The following EPC2 variants were observed in gnomAD, a reference collection of about 807,000 sequenced individuals.
EPC2 encodes the protein enhancer of polycomb 2.
In EPC2, 14 loss-of-function variants were observed where a neutral mutation model predicts 92.1. The ratio of observed to expected loss-of-function variants is 0.15; its 90% CI spans 0.10 to 0.24. The LOEUF (loss-of-function observed/expected upper bound fraction) is 0.24, where lower values mean the gene tolerates loss of function less well. Among genes scored for constraint, EPC2 ranks in the 10% least tolerant of loss-of-function variants. The probability of loss-of-function intolerance (pLI) is 1.00; values close to 1 mark genes in which losing one functional copy is unlikely to be tolerated. For synonymous variants in EPC2, 340 were observed against 334.7 expected, an observed-to-expected ratio of 1.02 and a Z score of -0.17; for missense variants, 755 against 971.5, an observed-to-expected ratio of 0.78 and a Z score of 2.96.
At chr2:148,715,049 T>C (rs1056889912) in intron 2 of EPC2, among the ~76,000 whole-genome samples, 3 of 143,750 alleles carry the variant, frequency 2.1e-5, no homozygotes, top group African/African-American at 5.1e-5. Context: ...TTTTTTTTTT[T>C]TGGAGACAGA....
At chr2:148,659,003 G>A (rs891565376) in intron 1 of EPC2, among the ~76,000 whole-genome samples, 1 of 151,976 alleles carries the variant, frequency 6.6e-6, no homozygotes, top group African/African-American at 2.4e-5. Context: ...GGACTGTGGA[G>A]GCAGTGCATG....
chr2:148,684,007 C>T (rs997478170), intron 1 of EPC2, among the ~76,000 whole-genome samples: 1 of 152,196 alleles, frequency 6.6e-6, no homozygotes, highest in African/African-American at 2.4e-5. Flanking sequence ...CTTTTTACCA[C>T]ATCCACACCA....
chr2:148,659,917 G>A (rs369488250), intron 1 of EPC2, among the ~76,000 whole-genome samples: 245 of 152,104 alleles, frequency 1.6e-3, no homozygotes, highest in Non-Finnish European at 2.6e-3. Context: ...CATATCTTGA[G>A]GTAGTTAATT....
chr2:148,725,870 T>C (rs1375954848), intron 2 of EPC2, among the ~76,000 whole-genome samples: 4 of 152,158 alleles, frequency 2.6e-5, no homozygotes, highest in African/African-American at 4.8e-5. Flanking sequence ...ACATTACAGG[T>C]ATATAGTTTA....
chr2:148,665,623 A>G (rs1248701183), intron 1 of EPC2, among the ~76,000 whole-genome samples: 3 of 152,294 alleles, frequency 2.0e-5, no homozygotes, highest in Admixed American at 6.5e-5. Flanking sequence ...TTATAATTCA[A>G]ATATTCTAGA....
At position 148,682,254 on chromosome 2, in the gene EPC2, G is replaced by A. The variant is rs963454289; in HGVS notation, c.154-7960G>A. 3.5e-4 allele frequency among the ~76,000 whole-genome samples: 53 copies of A among 152,164 alleles called. 1 individual carries two copies. Among genetic ancestry groups the A allele is most frequent in the Admixed American group, 1.4e-3 (22 of 15,284 alleles). ...ATATACCCAGTAATGGGATTGCTGG[G>A]TCGAATGGTATTTCTAGTTCTAGAT... is the stretch of plus-strand genomic sequence containing the variant. On this transcript the variant is annotated intron_variant, in intron 1 of 13. Coordinates refer to ENST00000258484, the MANE Select transcript of EPC2 (RefSeq NM_015630.4).
chr2:148,649,653 T>C (rs999869128), intron 1 of EPC2, among the ~76,000 whole-genome samples: 38 of 152,196 alleles, frequency 2.5e-4, no homozygotes, highest in African/African-American at 9.2e-4. Flanking sequence ...TTCTGTTTTA[T>C]AGAGGAAAAG....
intron 3 of EPC2, among the ~76,000 whole-genome samples, chr2:148,744,998 C>G (rs921010432): frequency 7.9e-6 from 1 of 127,214 alleles, no homozygotes; most frequent in East Asian, 2.2e-4. Flanking sequence ...TGCCCCCCCC[C>G]CCCGCACCAT....
chr2:148,767,881 C>T (rs946240262), intron 7 of EPC2, among the ~76,000 whole-genome samples: 41 of 152,272 alleles, frequency 2.7e-4, no homozygotes, highest in African/African-American at 8.7e-4. Context: ...CTGTGTATAT[C>T]TTAGAATAGG....
chr2:148,728,767 T>A (rs1221154061), intron 2 of EPC2, among the ~76,000 whole-genome samples: 1 of 150,860 alleles, frequency 6.6e-6, no homozygotes, highest in Admixed American at 6.6e-5. Context: ...GCACGGTAGC[T>A]CACGCCTGTA....
rs764961916 is a variant in EPC2 at position 148,753,978 on chromosome 2, A to G, written c.511A>G (p.Ile171Val). 2.5e-6 allele frequency: 4 copies of G among 1,612,210 alleles called. No individual in the cohort carries two copies. The highest frequency in any genetic ancestry group is 2.7e-5 in the African/African-American group (2 of 74,926). Residue 171 changes from isoleucine (I) to valine (V), a missense_variant, in exon 4 of 14, where the codon ATT (isoleucine) becomes GTT (valine). Ile to Val is a conservative substitution (Grantham distance 29). Around this residue, in one of 4 missense-constraint regions of EPC2, gnomAD observed 509 missense variants for 607.7 expected, o/e 0.84. Coordinates refer to ENST00000258484, the MANE Select transcript of EPC2 (RefSeq NM_015630.4). Reference sequence around the variant, plus strand: ...GCTGCTAAACGAAGATGATTACCTTATTAAAGCTGTATATGACTACTGGGT... The same window carrying G: ...GCTGCTAAACGAAGATGATTACCTTGTTAAAGCTGTATATGACTACTGGGT... ...KLLLNEDDYL[I>V]KAVYDYWVRK...
intron 2 of EPC2, among the ~76,000 whole-genome samples, chr2:148,711,069 A>G (rs765800122): frequency 7.3e-5 from 11 of 151,266 alleles, no homozygotes; most frequent in African/African-American, 1.5e-4. Flanking sequence ...GTTTTTTTCT[A>G]TTGATTTCCT....
In EPC2 at chr2:148,739,790, C is replaced by T. The variant is rs147362900; in HGVS notation, c.314-3832C>T. On this transcript the variant is annotated intron_variant, in intron 2 of 13. Coordinates refer to ENST00000258484, the MANE Select transcript of EPC2 (RefSeq NM_015630.4). ...TAGTAGTCATGCACCCTCTTAAATT[C>T]GCTTATTTTTCTTTTCTTTCTTCCT... 1.5e-4 allele frequency among the ~76,000 whole-genome samples: 22 copies of T among 144,712 alleles called. No homozygotes were observed. The East Asian group carries it at 4.2e-3, about 28-fold the overall frequency. The allele number at this position is 144,712 out of a possible 152,430, so 94.9% of individuals were successfully genotyped here. A position where few individuals can be genotyped will look rare whatever the true frequency, so the allele number is the denominator to read the frequency against.
rs761809638 is a variant in EPC2, at chr2:148,769,218, G to A, written c.1208G>A (p.Arg403Gln). 94 of 1,611,274 alleles carry A rather than the reference G, an allele frequency of 5.8e-5. No individual in the cohort carries two copies. In the East Asian group the frequency reaches 9.8e-4, roughly 17 times the overall value. Residue 403 changes from arginine (R) to glutamine (Q), a missense_variant, in exon 8 of 14, where the codon CGG becomes CAG. By Grantham distance (43) the Arg-to-Gln change is conservative. Transcript: ENST00000258484. ...DPDGPCAFRR[R>Q]AGCQYYAPRL... ...GATGGTCCCTGTGCTTTCAGAAGGC[G>A]GGCAGGATGCCAGTATTATGCTGTA...
At chr2:148,657,873 T>C (rs1385027360) in intron 1 of EPC2, among the ~76,000 whole-genome samples, 1 of 148,110 alleles carries the variant, frequency 6.8e-6, no homozygotes, top group Non-Finnish European at 1.5e-5. Flanking sequence ...TTTTTTTGAC[T>C]ATCACTCATT....
intron 2 of EPC2, among the ~76,000 whole-genome samples, 191 bp downstream of exon 2, chr2:148,690,564 C>T (rs1209213502): frequency 6.6e-6 from 1 of 152,132 alleles, no homozygotes; most frequent in South Asian, 2.1e-4. Flanking sequence ...TTTTAAGTAA[C>T]ATTTGGAACA....
intron 1 of EPC2, among the ~76,000 whole-genome samples, chr2:148,663,194 GTAT>G (rs56337513): frequency 0.13 from 17,871 of 136,180 alleles, 1,280 homozygotes; most frequent in East Asian, 0.27. Flanking sequence ...CTGTGTTTTT[GTAT>G]TATTATTATT....
chr2:148,724,178 T>A (rs1252494179), intron 2 of EPC2, among the ~76,000 whole-genome samples: 1 of 152,122 alleles, frequency 6.6e-6, no homozygotes, highest in Non-Finnish European at 1.5e-5. Flanking sequence ...ATATGTATGC[T>A]CCCTAAGGAT....
intron 2 of EPC2, among the ~76,000 whole-genome samples, chr2:148,739,833 C>CTTTTTTTTTTTTTTTTTTTTTTTTTTT (rs144868417): frequency 7.4e-5 from 6 of 81,310 alleles, no homozygotes; most frequent in Non-Finnish European, 1.1e-4. Flanking sequence ...TCTTCTTCTT[C>CTTTTTTTTTTTTTTTTTTTTTTTTTTT]TTTTTTTTTT....
Sources: allele counts gnomAD v4.1 joint callset (sites outside exome capture counted in the v4.1 genomes callset), GRCh38; gene constraint gnomAD v4.1.1; regional missense constraint gnomAD v4.1.1; transcripts MANE v1.5; gene names NCBI Gene and HGNC (gene_info 2026-07-23, HGNC 2026-07-21).